The following AMDHD1 variants were observed in gnomAD, a reference collection of about 807,000 sequenced individuals.
AMDHD1 encodes amidohydrolase domain containing 1.
In AMDHD1, 45 loss-of-function variants were observed where a neutral mutation model predicts 44.1. The observed-to-expected ratio is 1.02, with a 90% confidence interval of 0.80 to 1.31. The LOEUF is 1.31. Ranked by LOEUF, AMDHD1 falls within the 50% of genes most tolerant of loss-of-function variation. AMDHD1 has a pLI of 0.00. For missense variants in AMDHD1, 586 were observed against 552.1 expected (o/e 1.06, Z -0.61); for synonymous variants, 206 against 205.0 (o/e 1.00, Z -0.04).
At chr12:95,961,356 G>T (rs12311467) in intron 5 of AMDHD1, among the ~76,000 whole-genome samples, 10,955 of 152,120 alleles carry the variant, frequency 0.072, 475 homozygotes, top group South Asian at 0.19. Context: ...ATATATCTTT[G>T]CTCAAATTAA....
At position 95,967,780 on chromosome 12, in the gene AMDHD1, C is replaced by T. The variant is rs770378039; in HGVS notation, c.1218C>T (p.Phe406=). 25 of 1,525,608 alleles carry T rather than the reference C, an allele frequency of 1.6e-5. No homozygotes were observed. The highest frequency in any genetic ancestry group is 2.4e-5 in the South Asian group (2 of 81,966). 94.5% of individuals were successfully genotyped at this position (1,525,608 alleles called of 1,614,324 possible). ...SSRWEHLIYQ[F]GGHHELIEYV... ...GATGGGAGCATTTGATTTACCAGTT[C>T]GGAGGCCATCATGAATTAATTGAAT... The change falls in exon 9 of 9, where the codon TTC becomes TTT. Residue 406 remains phenylalanine (F), a synonymous_variant. Transcript: ENST00000266736.
intron 1 of AMDHD1, among the ~76,000 whole-genome samples, chr12:95,951,006 C>T (rs983831926): frequency 2.6e-5 from 4 of 152,094 alleles, no homozygotes; most frequent in Admixed American, 6.6e-5. Context: ...TTTAAACAGT[C>T]GTACAATGTG....
intron 4 of AMDHD1, among the ~76,000 whole-genome samples, chr12:95,959,649 A>G (rs924458971): frequency 6.6e-6 from 1 of 152,130 alleles, no homozygotes; most frequent in African/African-American, 2.4e-5. Context: ...TGAGACAGAA[A>G]GCTAAGGCAG....
chr12:95,962,026 T>G (rs3751267), intron 5 of AMDHD1, among the ~76,000 whole-genome samples: 81,349 of 152,072 alleles, frequency 0.53, 22,369 homozygotes, highest in African/African-American at 0.66. Flanking sequence ...CTAGCACTTT[T>G]GGAGTCCGAG....
At chr12:95,953,043 TA>T (rs1477211245) in intron 2 of AMDHD1, among the ~76,000 whole-genome samples, 5 of 152,236 alleles carry the variant, frequency 3.3e-5, no homozygotes, top group African/African-American at 9.6e-5. Flanking sequence ...TATCATTATC[TA>T]TACTTTACAG....
chr12:95,953,392 C>A (rs1028389721), intron 2 of AMDHD1, among the ~76,000 whole-genome samples: 1 of 152,200 alleles, frequency 6.6e-6, no homozygotes, highest in African/African-American at 2.4e-5. Flanking sequence ...TGATTGACAA[C>A]AGAATCAGTT....
At chr12:95,951,484 C>T (rs2080525642) in intron 1 of AMDHD1, among the ~76,000 whole-genome samples, 1 of 152,134 alleles carries the variant, frequency 6.6e-6, no homozygotes, top group African/African-American at 2.4e-5. Context: ...TTTATCCATT[C>T]ATTTGTGGGT....
At chr12:95,944,704 C>G (rs1426181073) in intron 1 of AMDHD1, among the ~76,000 whole-genome samples, 1 of 152,166 alleles carries the variant, frequency 6.6e-6, no homozygotes, top group African/African-American at 2.4e-5. Flanking sequence ...CGTGAACCAC[C>G]ACGCCCAGCT....
intron 4 of AMDHD1, among the ~76,000 whole-genome samples, chr12:95,957,817 C>T (rs909210060): frequency 6.6e-6 from 1 of 152,180 alleles, no homozygotes; most frequent in African/African-American, 2.4e-5. Context: ...CTTTGGGAGG[C>T]CAAGGCAGGT....
At chr12:95,960,254 G>A in intron 4 of AMDHD1, 144 bp from the exon 5 acceptor site, 1 of 688,318 alleles carries the variant, frequency 1.5e-6, no homozygotes, top group East Asian at 2.7e-5. Context: ...GCCCATAGTT[G>A]TAGCTTTGAG....
chr12:95,951,526 T>C (rs1416529308), intron 1 of AMDHD1, among the ~76,000 whole-genome samples: 2 of 152,226 alleles, frequency 1.3e-5, no homozygotes, highest in East Asian at 1.9e-4. Flanking sequence ...ATCTTGGCTA[T>C]TGTGAATAGT....
Position 95,943,420 on chromosome 12 carries a change from C to T in AMDHD1, c.22C>T (p.Leu8=). The stretch of plus-strand genomic sequence containing the variant: ...CGACATGGCAAGCGGCCACAGCCTC[C>T]TGCTGGAGAACGCGCAGCAAGTGGT... MASGHSL[L]LENAQQVVLV... is the part of the protein sequence containing the mutation. Residue 8 remains leucine (L), a synonymous_variant, in exon 1 of 9, where the codon CTG becomes TTG. Transcript: ENST00000266736. The T allele has an allele frequency of 6.6e-7, 1 of 1,504,910 alleles. No homozygotes were observed. The highest frequency in any genetic ancestry group is 1.2e-5 in the South Asian group (1 of 81,524). 93.2% of individuals were successfully genotyped at this position (1,504,910 alleles called of 1,614,324 possible).
chr12:95,950,461 G>A (rs2080521089), intron 1 of AMDHD1, among the ~76,000 whole-genome samples: 1 of 152,132 alleles, frequency 6.6e-6, no homozygotes, highest in Non-Finnish European at 1.5e-5. Flanking sequence ...CAGCTCTCAG[G>A]TTTATAGCCC....
intron 6 of AMDHD1, among the ~76,000 whole-genome samples, chr12:95,962,826 TA>T (rs1334382176): frequency 1.3e-5 from 2 of 152,236 alleles, no homozygotes; most frequent in African/African-American, 4.8e-5. Flanking sequence ...GCTATACTTT[TA>T]AATATATGCA....
At chr12:95,957,488 C>T (rs1197047182) in intron 4 of AMDHD1, among the ~76,000 whole-genome samples, 2 of 152,134 alleles carry the variant, frequency 1.3e-5, no homozygotes, top group African/African-American at 4.8e-5. Flanking sequence ...AACTCTGTTC[C>T]TTTCTGTACT....
At chr12:95,959,004 G>A (rs1049185371) in intron 4 of AMDHD1, among the ~76,000 whole-genome samples, 2 of 151,886 alleles carry the variant, frequency 1.3e-5, no homozygotes, top group South Asian at 2.1e-4. Flanking sequence ...GCGGTGAGCC[G>A]AGATCATGCC....
At chr12:95,965,144 T>C (rs1565979681) in intron 6 of AMDHD1, among the ~76,000 whole-genome samples, 2 of 151,450 alleles carry the variant, frequency 1.3e-5, no homozygotes. Context: ...ACTAAAAATA[T>C]AAAAATTACC....
Position 95,968,705 on chromosome 12 carries a change from G to C in AMDHD1, c.*862G>C, listed in dbSNP as rs2080624628. 1 of 152,166 alleles carries C rather than the reference G, an allele frequency of 6.6e-6. No individual in the cohort carries two copies. Among genetic ancestry groups the C allele is most frequent in the Non-Finnish European group, 1.5e-5 (1 of 68,024 alleles). The allele number at this position is 152,166 out of a possible 1,614,324, so 9.4% of individuals were successfully genotyped here. A position where few individuals can be genotyped will look rare whatever the true frequency, so the allele number is the denominator to read the frequency against. On this transcript the variant is annotated 3_prime_UTR_variant, in exon 9 of 9. Transcript: ENST00000266736. ...TCGATAATTATTTACATATAAATGG[G>C]TGTTTTTAAAAGCCATGTAAGTTGA...
chr12:95,960,674 C>T, intron 5 of AMDHD1, 51 bp downstream of exon 5: 12 of 1,546,174 alleles, frequency 7.8e-6, no homozygotes, highest in Non-Finnish European at 8.9e-6. Flanking sequence ...CTTGCACATT[C>T]ATGCTATGGG....
Sources: allele counts gnomAD v4.1 joint callset (sites outside exome capture counted in the v4.1 genomes callset), GRCh38; gene constraint gnomAD v4.1.1; transcripts MANE v1.5; gene names NCBI Gene and HGNC (gene_info 2026-07-23, HGNC 2026-07-21).